The following KDM4B variants were observed in gnomAD, a reference collection of about 807,000 sequenced individuals.
KDM4B encodes lysine-specific demethylase 4B.
In KDM4B, 32 loss-of-function variants were observed where a neutral mutation model predicts 125.2. The ratio of observed to expected loss-of-function variants is 0.26; its 90% CI spans 0.19 to 0.34. The LOEUF is 0.34. Ranked by LOEUF, KDM4B falls within the 10% of genes least tolerant of loss-of-function variation. The pLI is 1.00. For synonymous variants in KDM4B, 721 were observed against 677.9 expected (o/e 1.06, Z -0.99); for missense variants, 1,190 against 1,577.7 (o/e 0.75, Z 4.16).
At chr19:5,100,695 G>T (rs2613747) in intron 9 of KDM4B, among the ~76,000 whole-genome samples, 3,133 of 152,262 alleles carry the variant, frequency 0.021, 100 homozygotes, top group African/African-American at 0.067. Flanking sequence ...GGATTAAGGC[G>T]TGAGCCACCA....
chr19:5,146,063 C>T (rs910219689), intron 21 of KDM4B, among the ~76,000 whole-genome samples: 5 of 149,556 alleles, frequency 3.3e-5, no homozygotes, highest in Admixed American at 1.3e-4. Flanking sequence ...CGGCCCCGCC[C>T]GGTCACCACT....
intron 6 of KDM4B, among the ~76,000 whole-genome samples, chr19:5,066,683 G>A (rs2037779947): frequency 6.6e-6 from 1 of 152,240 alleles, no homozygotes; most frequent in African/African-American, 2.4e-5. Flanking sequence ...TGGCTCTCAC[G>A]GAGCTTGTGG....
chr19:5,145,690 G>A (rs1015016814), intron 21 of KDM4B, among the ~76,000 whole-genome samples: 1 of 152,148 alleles, frequency 6.6e-6, no homozygotes, highest in East Asian at 1.9e-4. Context: ...GCCTGGTGCC[G>A]CACTTCCCTT....
At chr19:5,150,638 C>T (rs2039930271) in intron 22 of KDM4B, among the ~76,000 whole-genome samples, 188 bp downstream of exon 22, 1 of 152,190 alleles carries the variant, frequency 6.6e-6, no homozygotes, top group African/African-American at 2.4e-5. Context: ...CTTCCTTTGC[C>T]TTGACTCCTG....
At position 5,114,529 on chromosome 19, in the gene KDM4B, A is replaced by G; in HGVS notation, c.1115+3711A>G. 1 of 351,872 alleles carries G rather than the reference A, an allele frequency of 2.8e-6. No individual in the cohort carries two copies. Among genetic ancestry groups the G allele is most frequent in the Middle Eastern group, 8.3e-4 (1 of 1,210 alleles). 21.8% of individuals were successfully genotyped at this position (351,872 alleles called of 1,614,324 possible). A position where few individuals can be genotyped will look rare whatever the true frequency, so the allele number is the denominator to read the frequency against. ...AACCTCACGAGCACAGGGACCTGCC[A>G]GCCCCTGCAGGGAGTGCGCAGCCTC... On this transcript the variant is annotated intron_variant, in intron 10 of 22. Transcript: ENST00000159111. The surrounding 1 kb of genome is among the most constrained non-coding windows in gnomAD (Gnocchi z 5.8).
chr19:5,102,661 G>A lies in KDM4B; in HGVS notation c.919-7961G>A, dbSNP rs578111632. Among the ~76,000 whole-genome samples, 6 of 152,264 alleles carry A rather than the reference G, an allele frequency of 3.9e-5. No homozygotes were observed. In the South Asian group the frequency reaches 8.3e-4, roughly 21 times the overall value. On this transcript the variant is annotated intron_variant, in intron 9 of 22. Coordinates refer to ENST00000159111, the MANE Select transcript of KDM4B (RefSeq NM_015015.3). Reference sequence around the variant, plus strand: ...CACCACAGCAGGGAATCGAGGCCCCGGCTCCCCTCAGGCTCTCCCTTCACC... The same window carrying A: ...CACCACAGCAGGGAATCGAGGCCCCAGCTCCCCTCAGGCTCTCCCTTCACC...
chr19:5,012,172 AG>A (rs2035749717), intron 1 of KDM4B, among the ~76,000 whole-genome samples: 2 of 152,210 alleles, frequency 1.3e-5, no homozygotes, highest in Non-Finnish European at 2.9e-5. Flanking sequence ...GGCCCGTGGC[AG>A]GGTGCAGTCA....
intron 20 of KDM4B, 122 bp from the exon 21 acceptor site, chr19:5,144,661 C>T (rs1014054693): frequency 7.1e-7 from 1 of 1,417,018 alleles, no homozygotes; most frequent in Non-Finnish European, 9.6e-7. Flanking sequence ...CGGGCCCCCG[C>T]AGCCAGCTTT....
rs537220804 is a variant in KDM4B at position 5,108,338 on chromosome 19, A to G, written c.919-2284A>G. Among the ~76,000 whole-genome samples, 10 of 152,308 alleles carry G rather than the reference A, an allele frequency of 6.6e-5. 1 individual carries two copies. The South Asian group carries it at 2.1e-3, about 32-fold the overall frequency. Reference sequence around the variant, plus strand: ...ACCACCAGCCTTTCTCTCCTGTGCTATCTTTCATTAAATGAATTGAGTTTG... The same window carrying G: ...ACCACCAGCCTTTCTCTCCTGTGCTGTCTTTCATTAAATGAATTGAGTTTG... On this transcript the variant is annotated intron_variant, in intron 9 of 22. Coordinates refer to ENST00000159111, the MANE Select transcript of KDM4B (RefSeq NM_015015.3).
chr19:4,990,492 G>T (rs1046412784), intron 1 of KDM4B, among the ~76,000 whole-genome samples: 3 of 152,350 alleles, frequency 2.0e-5, no homozygotes, highest in Admixed American at 6.5e-5. Context: ...TGAAGGCAGC[G>T]TGGCGAGGAG....
At chr19:5,137,225 GC>G in intron 15 of KDM4B, 36 bp from the exon 16 acceptor site, 7 of 1,511,846 alleles carry the variant, frequency 4.6e-6, no homozygotes, top group Admixed American at 2.0e-5. Context: ...AGTCTCACCT[GC>G]CCCCCAGATC....
chr19:5,070,819 C>A lies in KDM4B; in HGVS notation c.627-191C>A, dbSNP rs576233874. On this transcript the variant is annotated intron_variant, in intron 6 of 22. Coordinates refer to ENST00000159111, the MANE Select transcript of KDM4B (RefSeq NM_015015.3). Reference sequence around the variant, plus strand: ...CTCCCCGCTCCTCCACCTGCCCCACCTCGCTTCCTTACGGATTCCGTCCTG... The same window carrying A: ...CTCCCCGCTCCTCCACCTGCCCCACATCGCTTCCTTACGGATTCCGTCCTG... 1.5e-5 allele frequency: 8 copies of A among 539,482 alleles called. No homozygotes were observed. The East Asian group carries it at 2.5e-4, about 17-fold the overall frequency. 33.4% of individuals were successfully genotyped at this position (539,482 alleles called of 1,614,324 possible). A position where few individuals can be genotyped will look rare whatever the true frequency, so the allele number is the denominator to read the frequency against.
intron 7 of KDM4B, among the ~76,000 whole-genome samples, chr19:5,072,873 C>T (rs747407459): frequency 6.6e-6 from 1 of 152,158 alleles, no homozygotes; most frequent in African/African-American, 2.4e-5. Context: ...AGAGGCCGCC[C>T]GCATTCCTTG....
intron 2 of KDM4B, among the ~76,000 whole-genome samples, chr19:5,025,457 G>A (rs565089157): frequency 1.3e-5 from 2 of 152,380 alleles, no homozygotes; most frequent in African/African-American, 2.4e-5. Flanking sequence ...TACCCATGGG[G>A]GTTGCATGCC....
rs1199845018 is a variant in KDM4B, at chr19:5,153,478, ACGCGGCAAAAC to A, written c.*1969_*1979del. ...TCTCTGTGTCTTACTCTGTGCAAAGACGCGGCAAAACCCAGTGCCCTGGTTTTTCCCCACCC... is the reference window on the plus strand; with the variant it reads ...TCTCTGTGTCTTACTCTGTGCAAAGACCAGTGCCCTGGTTTTTCCCCACCC... On this transcript the variant is annotated 3_prime_UTR_variant, in exon 23 of 23. Transcript: ENST00000159111. The A allele has an allele frequency of 6.6e-6, 1 of 152,162 alleles. No individual in the cohort carries two copies. The highest frequency in any genetic ancestry group is 1.5e-5 in the Non-Finnish European group (1 of 68,028). 9.4% of individuals were successfully genotyped at this position (152,162 alleles called of 1,614,324 possible). A position where few individuals can be genotyped will look rare whatever the true frequency, so the allele number is the denominator to read the frequency against.
chr19:5,105,841 C>T (rs962481125), intron 9 of KDM4B, among the ~76,000 whole-genome samples: 6 of 152,210 alleles, frequency 3.9e-5, no homozygotes, highest in Non-Finnish European at 8.8e-5. Context: ...GTGAACACAG[C>T]TGTGGATGAT....
chr19:4,996,841 C>T (rs2035217725), intron 1 of KDM4B, among the ~76,000 whole-genome samples: 2 of 152,226 alleles, frequency 1.3e-5, no homozygotes, highest in African/African-American at 2.4e-5. Context: ...AAATTCGGCA[C>T]TCTTGCTATC....
intron 5 of KDM4B, among the ~76,000 whole-genome samples, chr19:5,042,656 C>G (rs1326693786): frequency 6.6e-6 from 1 of 151,804 alleles, no homozygotes; most frequent in Non-Finnish European, 1.5e-5. Flanking sequence ...AGGAGCTGAT[C>G]CATCTTACAC....
At chr19:5,089,832 T>TTTG (rs1163681149) in intron 9 of KDM4B, among the ~76,000 whole-genome samples, 1 of 151,934 alleles carries the variant, frequency 6.6e-6, no homozygotes, top group Non-Finnish European at 1.5e-5. Context: ...GGAAAAGGTT[T>TTTG]TTGTTGTTGT....
Sources: gnomAD v4.1 joint callset for allele counts (sites outside exome capture counted in the v4.1 genomes callset) on GRCh38, gnomAD v4.1.1 for gene constraint, Gnocchi (gnomAD v3.1) non-coding constraint, MANE v1.5 for transcripts, NCBI Gene and HGNC (gene_info 2026-07-23, HGNC 2026-07-21) for gene names.